Variants in GALNT13 observed in about 807,000 individuals in gnomAD.
GALNT13 encodes polypeptide N-acetylgalactosaminyltransferase 13.
Under a neutral mutation model 64.2 loss-of-function variants are expected in GALNT13, and 28 were observed. The ratio of observed to expected loss-of-function variants is 0.44; its 90% CI spans 0.32 to 0.60. GALNT13 has a LOEUF of 0.60. GALNT13 is among the 20% of genes least tolerant of loss of function. The pLI is 0.05. For missense variants in GALNT13, 577 were observed against 669.8 expected, an observed-to-expected ratio of 0.86 and a Z score of 1.53; for synonymous variants, 214 against 224.6, an observed-to-expected ratio of 0.95 and a Z score of 0.42.
chr2:153,412,870 C>T, the GALNT13 span, among the ~76,000 whole-genome samples: 2 of 152,098 alleles, frequency 1.3e-5, no homozygotes, highest in Admixed American at 6.6e-5. Flanking sequence ...CTCAGGAGAG[C>T]AATACTTTCT....
chr2:154,158,051 G>C (rs766265992), intron 4 of GALNT13, among the ~76,000 whole-genome samples: 1 of 152,100 alleles, frequency 6.6e-6, no homozygotes, highest in Non-Finnish European at 1.5e-5. Context: ...AGTCATTCCC[G>C]TGGTAATTTC....
intron 1 of GALNT13, among the ~76,000 whole-genome samples, chr2:153,874,182 G>C (rs1686199496): frequency 6.8e-6 from 1 of 147,464 alleles, no homozygotes; most frequent in Non-Finnish European, 1.5e-5. Context: ...TTTGATTTGG[G>C]AATTGGATAG....
At chr2:153,456,440 C>A in the GALNT13 span, among the ~76,000 whole-genome samples, 1 of 152,110 alleles carries the variant, frequency 6.6e-6, no homozygotes, top group African/African-American at 2.4e-5. Context: ...TCTGGGTGTG[C>A]TAATATGTGG....
At chr2:154,037,746 T>TTA (rs2105320575) in intron 3 of GALNT13, among the ~76,000 whole-genome samples, 1 of 152,270 alleles carries the variant, frequency 6.6e-6, no homozygotes, top group South Asian at 2.1e-4. Flanking sequence ...AAGAAAGTAA[T>TTA]CTTTTTTATA....
At chr2:153,276,086 C>T in the GALNT13 span, among the ~76,000 whole-genome samples, 16 of 151,894 alleles carry the variant, frequency 1.1e-4, no homozygotes, top group African/African-American at 3.9e-4. Flanking sequence ...GCATTTTGTT[C>T]CTGTTTATTT....
the GALNT13 span, among the ~76,000 whole-genome samples, chr2:153,841,061 CT>C: frequency 6.6e-6 from 1 of 152,138 alleles, no homozygotes; most frequent in East Asian, 1.9e-4. Flanking sequence ...TAGAATCAGT[CT>C]TGTCAAAATT....
At chr2:153,742,090 C>A in the GALNT13 span, among the ~76,000 whole-genome samples, 1 of 152,082 alleles carries the variant, frequency 6.6e-6, no homozygotes, top group Admixed American at 6.6e-5. Flanking sequence ...TATTCCTCTC[C>A]TTTGATGCTT....
chr2:154,234,418 C>G (rs1689084291), intron 4 of GALNT13, among the ~76,000 whole-genome samples: 1 of 152,082 alleles, frequency 6.6e-6, no homozygotes, highest in African/African-American at 2.4e-5. Flanking sequence ...AAAACTGAAG[C>G]TTAGAGAGTT....
chr2:153,123,660 A>G, the GALNT13 span, among the ~76,000 whole-genome samples: 1 of 152,202 alleles, frequency 6.6e-6, no homozygotes, highest in South Asian at 2.1e-4. Flanking sequence ...ACTACATAGG[A>G]TATAATGATA....
At chr2:153,786,689 G>C in the GALNT13 span, among the ~76,000 whole-genome samples, 1 of 152,056 alleles carries the variant, frequency 6.6e-6, no homozygotes, top group African/African-American at 2.4e-5. Context: ...CCACCCCACT[G>C]GCTGAACACT....
chr2:154,276,089 A>T lies in GALNT13; in HGVS notation c.975+16951A>T, dbSNP rs1044805241. Among the ~76,000 whole-genome samples the T allele has an allele frequency of 2.0e-5, 3 of 152,156 alleles. No individual in the cohort carries two copies. In the South Asian group the frequency reaches 6.2e-4, roughly 31 times the overall value. ...GTACCCCCATTGTATCTAGGAGGTA[A>T]CTAACTTGCTTTTGATTTTACAGGC... On this transcript the variant is annotated intron_variant, in intron 8 of 12. Transcript: ENST00000392825.
intron 9 of GALNT13, among the ~76,000 whole-genome samples, chr2:154,381,106 T>G (rs1698249132): frequency 6.6e-6 from 1 of 152,050 alleles, no homozygotes; most frequent in Non-Finnish European, 1.5e-5. Context: ...CTACCTACAC[T>G]CAAGGGCAAG....
At chr2:154,282,557 TC>T in intron 8 of GALNT13, among the ~76,000 whole-genome samples, 1 of 152,262 alleles carries the variant, frequency 6.6e-6, no homozygotes, top group East Asian at 1.9e-4. Flanking sequence ...CATTCCCTCT[TC>T]TTCTGCATGT....
the GALNT13 span, among the ~76,000 whole-genome samples, chr2:153,170,881 T>C: frequency 6.6e-6 from 1 of 152,254 alleles, no homozygotes; most frequent in Non-Finnish European, 1.5e-5. Context: ...ATTTGTCTAA[T>C]ATAGCAGTTA....
chr2:153,628,330 C>G, the GALNT13 span, among the ~76,000 whole-genome samples: 2 of 151,882 alleles, frequency 1.3e-5, no homozygotes, highest in African/African-American at 4.8e-5. Context: ...AATTGAATAC[C>G]CTTTATTTCC....
At chr2:153,435,318 T>C in the GALNT13 span, among the ~76,000 whole-genome samples, 2 of 152,230 alleles carry the variant, frequency 1.3e-5, no homozygotes, top group Admixed American at 6.5e-5. Context: ...CAGGCTCTTT[T>C]TTGGTTCCAT....
the GALNT13 span, among the ~76,000 whole-genome samples, chr2:153,640,577 G>C: frequency 6.6e-6 from 1 of 151,990 alleles, no homozygotes; most frequent in South Asian, 2.1e-4. Context: ...CCATGAGTTT[G>C]AGACCAGCCT....
intron 3 of GALNT13, among the ~76,000 whole-genome samples, chr2:153,965,884 A>G (rs1327919928): frequency 6.6e-6 from 1 of 150,632 alleles, no homozygotes; most frequent in East Asian, 2.0e-4. Flanking sequence ...CTACTTATAT[A>G]TTTTATATTA....
At chr2:153,397,548 A>G in the GALNT13 span, among the ~76,000 whole-genome samples, 770 of 152,168 alleles carry the variant, frequency 5.1e-3, 4 homozygotes, top group African/African-American at 0.018. Context: ...TTAGGCTCCA[A>G]TATTTTAACT....
Sources: gnomAD v4.1 joint callset for allele counts (sites outside exome capture counted in the v4.1 genomes callset) on GRCh38, gnomAD v4.1.1 for gene constraint, MANE v1.5 for transcripts, NCBI Gene and HGNC (gene_info 2026-07-23, HGNC 2026-07-21) for gene names.